Variants in CELSR1 observed in about 807,000 individuals in gnomAD.
CELSR1 encodes adhesion G protein-coupled receptor C1.
In CELSR1, 110 loss-of-function variants were observed where a neutral mutation model predicts 249.1. That is an observed-to-expected ratio of 0.44 (90% confidence interval 0.38 to 0.52). The LOEUF (loss-of-function observed/expected upper bound fraction) is 0.52. Ranked by LOEUF, CELSR1 falls within the 20% of genes least tolerant of loss-of-function variation. The probability of loss-of-function intolerance (pLI) is 0.00; values close to 1 mark genes in which losing one functional copy is unlikely to be tolerated. For synonymous variants in CELSR1, 2,113 were observed against 1,900.0 expected (o/e 1.11, Z -2.92); for missense variants, 4,109 against 4,296.4 (o/e 0.96, Z 1.22).
At chr22:46,510,905 A>T (rs1163423320) in intron 1 of CELSR1, among the ~76,000 whole-genome samples, 1 of 152,168 alleles carries the variant, frequency 6.6e-6, no homozygotes, top group Non-Finnish European at 1.5e-5. Flanking sequence ...ACCTGAGGTC[A>T]GGAGTTCGAG....
At chr22:46,491,440 T>C (rs6008867) in intron 1 of CELSR1, among the ~76,000 whole-genome samples, 8,948 of 151,328 alleles carry the variant, frequency 0.059, 877 homozygotes, top group African/African-American at 0.2. Flanking sequence ...ATTTTTGTAT[T>C]TTTTAGTAGA....
chr22:46,479,911 C>T (rs750888911), intron 1 of CELSR1, among the ~76,000 whole-genome samples: 1 of 152,172 alleles, frequency 6.6e-6, no homozygotes, highest in African/African-American at 2.4e-5. Flanking sequence ...CCTTTTCCTC[C>T]CTTGAATTTC....
intron 1 of CELSR1, among the ~76,000 whole-genome samples, chr22:46,479,946 T>G (rs1447083185): frequency 1.3e-5 from 2 of 152,208 alleles, no homozygotes; most frequent in African/African-American, 4.8e-5. Flanking sequence ...TTGTCTCGAC[T>G]GGACTCTGTT....
chr22:46,451,515 CTGAAGGATGGGTGCATGTTTGACCGTCT>C (rs1169845882), intron 2 of CELSR1, among the ~76,000 whole-genome samples: 2 of 152,216 alleles, frequency 1.3e-5, no homozygotes, highest in Non-Finnish European at 2.9e-5. Flanking sequence ...CCTGCCGAAC[CTGAAGGATGGGTGCATGTTTGACCGTCT>C]TCTGGTGCTT....
At chr22:46,371,385 C>T (rs748303524) in intron 25 of CELSR1, among the ~76,000 whole-genome samples, 8 of 152,158 alleles carry the variant, frequency 5.3e-5, no homozygotes, top group Non-Finnish European at 1.2e-4. Flanking sequence ...GCGTCTAATC[C>T]CCAGAACCCA....
rs561492167 is a variant in CELSR1, at chr22:46,380,524, C to T, written c.7256+264G>A. Among the ~76,000 whole-genome samples the T allele has an allele frequency of 1.3e-5, 2 of 152,350 alleles. No individual in the cohort carries two copies. Among genetic ancestry groups the T allele is most frequent in the South Asian group, 2.1e-4 (1 of 4,834 alleles). ...GAGGGGTCCCCTTCCTGGGTGTCAG[C>T]CTTGAGGGATCTCTCTGTGCGCCTG... On this transcript the variant is annotated intron_variant, in intron 22 of 34. Coordinates refer to ENST00000674500, the MANE Select transcript of CELSR1 (RefSeq NM_001378328.1). The surrounding 1 kb of genome is among the most constrained non-coding windows in gnomAD (Gnocchi z 5.1).
intron 1 of CELSR1, among the ~76,000 whole-genome samples, chr22:46,533,389 G>A (rs2080812157): frequency 6.6e-6 from 1 of 152,272 alleles, no homozygotes; most frequent in South Asian, 2.1e-4. Flanking sequence ...GAACTTGGGA[G>A]AACCGCAGGC....
rs953612825 is a variant in CELSR1, at chr22:46,490,346, G to A, written c.3545-26001C>T. On this transcript the variant is annotated intron_variant, in intron 1 of 34. Coordinates refer to ENST00000674500, the MANE Select transcript of CELSR1 (RefSeq NM_001378328.1). The surrounding 1 kb of genome is among the most constrained non-coding windows in gnomAD (Gnocchi z 5.2). Reference sequence around the variant, plus strand: ...CTGCCACCCAGGCTGGAGTACAGCGGCGCAATCTTGGCTCACTCCAACCTC... The same window carrying A: ...CTGCCACCCAGGCTGGAGTACAGCGACGCAATCTTGGCTCACTCCAACCTC... Among the ~76,000 whole-genome samples, 1 of 152,082 alleles carries A rather than the reference G, an allele frequency of 6.6e-6. No individual in the cohort carries two copies. The highest frequency in any genetic ancestry group is 1.5e-5 in the Non-Finnish European group (1 of 68,016).
rs2079285117 is a variant in CELSR1 at position 46,407,937 on chromosome 22, GA to G, written c.5226+1058del. ...AGAATGACCTTCAGATGCACAGGCA[GA>G]GGGGCAAGAGGGCAAGCCGAGGGCC... On this transcript the variant is annotated intron_variant, in intron 9 of 34. Transcript: ENST00000674500. The surrounding 1 kb of genome is among the most constrained non-coding windows in gnomAD (Gnocchi z 4.8). Among the ~76,000 whole-genome samples, 1 of 152,208 alleles carries G rather than the reference GA, an allele frequency of 6.6e-6. No homozygotes were observed.
At position 46,488,698 on chromosome 22, in the gene CELSR1, C is replaced by A. The variant is rs2080339764; in HGVS notation, c.3545-24353G>T. On this transcript the variant is annotated intron_variant, in intron 1 of 34. Coordinates refer to ENST00000674500, the MANE Select transcript of CELSR1 (RefSeq NM_001378328.1). This position sits in a 1 kb window ranked among gnomAD's most constrained non-coding sequence, Gnocchi z 4.7. ...TTTTTGAGACGGAGTCTTGCTCTGT[C>A]ACCCAGGCTGGAGTTCAGTGGCGTG... Among the ~76,000 whole-genome samples the A allele has an allele frequency of 1.3e-5, 2 of 151,312 alleles. No individual in the cohort carries two copies. The highest frequency in any genetic ancestry group is 1.5e-5 in the Non-Finnish European group (1 of 67,878).
chr22:46,365,453 C>G, intron 31 of CELSR1, 73 bp from the exon 32 acceptor site: 4 of 1,580,730 alleles, frequency 2.5e-6, no homozygotes, highest in Non-Finnish European at 3.4e-6. Context: ...CCAAGCAGAG[C>G]CACTGGGCCC....
rs546561435 is a variant in CELSR1, at chr22:46,369,589, G to A, written c.7872+103C>T. The A allele has an allele frequency of 1.9e-4, 193 of 1,035,862 alleles. 1 individual carries two copies. The East Asian group carries it at 2.0e-3, about 11-fold the overall frequency. The allele number at this position is 1,035,862 out of a possible 1,614,324, so 64.2% of individuals were successfully genotyped here. On this transcript the variant is annotated intron_variant, in intron 26 of 34. Transcript: ENST00000674500. The stretch of plus-strand genomic sequence containing the variant: ...TACAAGGTGGCCCTTCCTGCCCCCC[G>A]TCGGCTGCTCAGAGGAGTTGGTGGC...
intron 1 of CELSR1, among the ~76,000 whole-genome samples, chr22:46,513,656 G>C (rs2080596310): frequency 6.6e-6 from 1 of 152,004 alleles, no homozygotes; most frequent in Non-Finnish European, 1.5e-5. Flanking sequence ...CACTTCCTAC[G>C]GGCAGCAACA....
At chr22:46,522,644 G>C (rs2080697637) in intron 1 of CELSR1, among the ~76,000 whole-genome samples, 1 of 152,190 alleles carries the variant, frequency 6.6e-6, no homozygotes, top group African/African-American at 2.4e-5. Flanking sequence ...TACTTTCTCA[G>C]AGCTTGAGAC....
chr22:46,364,817 C>T (rs1028215913), intron 32 of CELSR1, 81 bp from the exon 33 acceptor site: 1 of 1,371,072 alleles, frequency 7.3e-7, no homozygotes, highest in Non-Finnish European at 9.9e-7. Flanking sequence ...TCTGGTGGCT[C>T]TGACCCACCT....
intron 5 of CELSR1, among the ~76,000 whole-genome samples, chr22:46,421,691 T>G (rs1042332198): frequency 7.9e-5 from 12 of 152,216 alleles, no homozygotes; most frequent in African/African-American, 2.7e-4. Flanking sequence ...CCCCCATCAC[T>G]TGGGCTCAAG....
At chr22:46,386,629 G>C (rs753143597) in intron 18 of CELSR1, 44 bp from the exon 19 acceptor site, 1 of 1,487,094 alleles carries the variant, frequency 6.7e-7, no homozygotes, top group South Asian at 1.3e-5. Context: ...GCGGAGGCCT[G>C]GCTCGTGGGA....
rs555249604 is a variant in CELSR1 at position 46,363,845 on chromosome 22, T to C, written c.9035+151A>G. 2 of 1,064,034 alleles carry C rather than the reference T, an allele frequency of 1.9e-6. No homozygotes were observed. Among genetic ancestry groups the C allele is most frequent in the Non-Finnish European group, 1.3e-6 (1 of 767,956 alleles). 65.9% of individuals were successfully genotyped at this position (1,064,034 alleles called of 1,614,324 possible). A position where few individuals can be genotyped will look rare whatever the true frequency, so the allele number is the denominator to read the frequency against. On this transcript the variant is annotated intron_variant, in intron 34 of 34. Coordinates refer to ENST00000674500, the MANE Select transcript of CELSR1 (RefSeq NM_001378328.1). This position sits in a 1 kb window ranked among gnomAD's most constrained non-coding sequence, Gnocchi z 4.3. Reference sequence around the variant, plus strand: ...TCCTCCTGACCTCAGCTGCAGCGCCTCCCCCCTCCCCCATCCCCGCCTGGG... The same window carrying C: ...TCCTCCTGACCTCAGCTGCAGCGCCCCCCCCCTCCCCCATCCCCGCCTGGG...
At chr22:46,523,499 G>A (rs2080706166) in intron 1 of CELSR1, among the ~76,000 whole-genome samples, 1 of 151,498 alleles carries the variant, frequency 6.6e-6, no homozygotes, top group African/African-American at 2.4e-5. Flanking sequence ...CTGCACTCCA[G>A]CCTGGGTGCC....
Sources: gnomAD v4.1 joint callset for allele counts (sites outside exome capture counted in the v4.1 genomes callset) on GRCh38, gnomAD v4.1.1 for gene constraint, Gnocchi (gnomAD v3.1) non-coding constraint, MANE v1.5 for transcripts, NCBI Gene and HGNC (gene_info 2026-07-23, HGNC 2026-07-21) for gene names.